Variants in FMNL3 observed in about 807,000 individuals in gnomAD.
FMNL3 encodes the protein formin like 3.
A neutral mutation model predicts 119.6 loss-of-function variants in FMNL3; 57 were observed. The observed-to-expected ratio is 0.48, with a 90% CI of 0.39 to 0.59. FMNL3 has a LOEUF of 0.59. Among genes scored for constraint, FMNL3 ranks in the 20% least tolerant of loss-of-function variants. The probability of loss-of-function intolerance (pLI) is 0.00; values close to 1 mark genes in which losing one functional copy is unlikely to be tolerated. For synonymous variants in FMNL3, 491 were observed against 507.3 expected (o/e 0.97, Z 0.43); for missense variants, 1,053 against 1,323.5 (o/e 0.80, Z 3.17).
At chr12:49,669,603 G>A (rs1284401685) in intron 1 of FMNL3, among the ~76,000 whole-genome samples, 1 of 152,054 alleles carries the variant, frequency 6.6e-6, no homozygotes, top group Non-Finnish European at 1.5e-5. Flanking sequence ...AGGCCGAGGT[G>A]GGCGGATCAC....
rs1227834700 is a variant in FMNL3 at position 49,643,579 on chromosome 12, T to G, written c.*2236A>C. The G allele has an allele frequency of 7.2e-7, 1 of 1,386,898 alleles. No individual in the cohort carries two copies. The highest frequency in any genetic ancestry group is 9.8e-7 in the Non-Finnish European group (1 of 1,024,728). 85.9% of individuals were successfully genotyped at this position (1,386,898 alleles called of 1,614,324 possible). ...TGGAGAAGGAAAACTGGACTTAGAC[T>G]TCCTCAGAGCATGAGGTTCCTGCCT... On this transcript the variant is annotated 3_prime_UTR_variant, in exon 26 of 26. Coordinates refer to ENST00000335154, the MANE Select transcript of FMNL3 (RefSeq NM_175736.5).
At chr12:49,651,480 C>A in intron 14 of FMNL3, 30 bp from the exon 15 acceptor site, 1 of 1,447,922 alleles carries the variant, frequency 6.9e-7, no homozygotes, top group South Asian at 1.6e-5. Context: ...CACAGTGACC[C>A]AGGCGTCAAG....
chr12:49,653,412 G>T, intron 12 of FMNL3, 85 bp from the exon 13 acceptor site: 1 of 1,387,142 alleles, frequency 7.2e-7, no homozygotes, highest in Non-Finnish European at 1.0e-6. Context: ...GACCTGAGTC[G>T]GACCCCTCAA....
Position 49,642,451 on chromosome 12 carries a change from C to T in FMNL3, c.*3364G>A. The stretch of plus-strand genomic sequence containing the variant: ...TTCACCACTGAGGGCCCACCCCAGT[C>T]ACGTCACAGCCCTGGGCCAGCTCCA... On this transcript the variant is annotated 3_prime_UTR_variant, in exon 26 of 26. Transcript: ENST00000335154. This position sits in a 1 kb window ranked among gnomAD's most constrained non-coding sequence, Gnocchi z 5.8. 6.4e-7 allele frequency: 1 copy of T among 1,572,004 alleles called. No homozygotes were observed. The highest frequency in any genetic ancestry group is 1.1e-5 in the South Asian group (1 of 89,620).
rs750001770 is a variant in FMNL3, at chr12:49,642,252, G to A, written c.*3563C>T. The A allele has an allele frequency of 1.9e-6, 3 of 1,614,086 alleles. No individual in the cohort carries two copies. Among genetic ancestry groups the A allele is most frequent in the East Asian group, 2.2e-5 (1 of 44,892 alleles). On this transcript the variant is annotated 3_prime_UTR_variant, in exon 26 of 26. Coordinates refer to ENST00000335154, the MANE Select transcript of FMNL3 (RefSeq NM_175736.5). This position sits in a 1 kb window ranked among gnomAD's most constrained non-coding sequence, Gnocchi z 5.8. ...TTCCTCAGCTGCTGGAGAAAGCAGA[G>A]GCACGGGAGAGGGAGCGGGAGAAGG...
In FMNL3 at chr12:49,651,915, A is replaced by C. The variant is rs1238597589; in HGVS notation, c.1603+18T>G. On this transcript the variant is annotated intron_variant, in intron 14 of 25. Transcript: ENST00000335154. ...AAAGAGGCTGCCCCTGTTGGCTCCC[A>C]GGGGTCGTCGTGGTTACCTGGTAAT... 2 of 1,563,428 alleles carry C rather than the reference A, an allele frequency of 1.3e-6. No homozygotes were observed. The highest frequency in any genetic ancestry group is 1.7e-6 in the Non-Finnish European group (2 of 1,152,076).
intron 1 of FMNL3, among the ~76,000 whole-genome samples, chr12:49,701,112 A>G (rs1944899966): frequency 6.6e-6 from 1 of 151,878 alleles, no homozygotes; most frequent in African/African-American, 2.4e-5. Flanking sequence ...ATGATACTGA[A>G]TAATATATAA....
chr12:49,692,731 T>G (rs1944639080), intron 1 of FMNL3, among the ~76,000 whole-genome samples: 1 of 152,186 alleles, frequency 6.6e-6, no homozygotes, highest in Admixed American at 6.5e-5. Context: ...GCAAACATAA[T>G]GTCCCCACCC....
At chr12:49,648,908 TCAGA>T (rs1943301389) in intron 21 of FMNL3, 117 bp downstream of exon 21, 2 of 1,433,868 alleles carry the variant, frequency 1.4e-6, no homozygotes, top group East Asian at 4.7e-5. Context: ...TTTGAAGTGG[TCAGA>T]AAGAAGATAA....
rs766932461 is a variant in FMNL3 at position 49,636,789 on chromosome 12, A to C, written c.*9026T>G. The C allele has an allele frequency of 1.2e-6, 2 of 1,614,212 alleles. No individual in the cohort carries two copies. Among genetic ancestry groups the C allele is most frequent in the East Asian group, 2.2e-5 (1 of 44,888 alleles). ...CTTTGGAGAGGGAAGAGGAGGAGGAACGGGAGCGGGCCCGGCTTCGGGAGC... is the reference window on the plus strand; with the variant it reads ...CTTTGGAGAGGGAAGAGGAGGAGGACCGGGAGCGGGCCCGGCTTCGGGAGC... On this transcript the variant is annotated 3_prime_UTR_variant, in exon 26 of 26. Transcript: ENST00000335154.
At chr12:49,667,419 G>C (rs758186985) in intron 2 of FMNL3, among the ~76,000 whole-genome samples, 28 of 152,172 alleles carry the variant, frequency 1.8e-4, no homozygotes, top group Non-Finnish European at 4.0e-4. Flanking sequence ...AGAACACAAG[G>C]ATATGGACCT....
intron 5 of FMNL3, chr12:49,661,709 G>C (rs1173710190): frequency 4.6e-6 from 2 of 437,194 alleles, no homozygotes; most frequent in African/African-American, 4.0e-5. Flanking sequence ...CTGATTCCAA[G>C]CTCCCTTTCC....
At chr12:49,693,107 T>C (rs1944649622) in intron 1 of FMNL3, among the ~76,000 whole-genome samples, 1 of 152,226 alleles carries the variant, frequency 6.6e-6, no homozygotes, top group Non-Finnish European at 1.5e-5. Flanking sequence ...GCATTTTTCC[T>C]TTTAGTATAA....
At chr12:49,681,698 A>G (rs1266884939) in intron 1 of FMNL3, among the ~76,000 whole-genome samples, 1 of 150,658 alleles carries the variant, frequency 6.6e-6, no homozygotes. Context: ...CTAGGACTAC[A>G]GGCATGTGCC....
intron 5 of FMNL3, among the ~76,000 whole-genome samples, chr12:49,661,060 A>G (rs1943719241): frequency 6.6e-6 from 1 of 152,212 alleles, no homozygotes. Flanking sequence ...AACTGGGAAG[A>G]TTGGTCTCCC....
rs1220649877 is a variant in FMNL3, at chr12:49,642,056, C to G, written c.*3759G>C. ...GGCTGGGCGGGGCGTGGGAAGTTCT[C>G]TAATTCATCTGTGTCTTGCTCCATT... On this transcript the variant is annotated 3_prime_UTR_variant, in exon 26 of 26. Transcript: ENST00000335154. The surrounding 1 kb of genome is among the most constrained non-coding windows in gnomAD (Gnocchi z 5.8). The G allele has an allele frequency of 6.2e-7, 1 of 1,607,704 alleles. No homozygotes were observed. The highest frequency in any genetic ancestry group is 1.1e-5 in the South Asian group (1 of 91,012).
intron 4 of FMNL3, 111 bp downstream of exon 4, chr12:49,665,721 C>T (rs1281568756): frequency 7.7e-6 from 9 of 1,165,688 alleles, no homozygotes; most frequent in East Asian, 2.3e-5. Flanking sequence ...CAACTCTGCC[C>T]CATGGCAGGG....
In FMNL3 at chr12:49,656,821, A is replaced by G; in HGVS notation, c.791+2T>C. 1 of 1,612,474 alleles carries G rather than the reference A, an allele frequency of 6.2e-7. No homozygotes were observed. Among genetic ancestry groups the G allele is most frequent in the Non-Finnish European group, 8.5e-7 (1 of 1,178,542 alleles). On this transcript the variant is annotated splice_donor_variant, in intron 8 of 25. Coordinates refer to ENST00000335154, the MANE Select transcript of FMNL3 (RefSeq NM_175736.5). LOFTEE classifies it high-confidence loss of function. Reference sequence around the variant, plus strand: ...GGAGGAAAGGGGAGGGAAGGAACTCACCTTGGATTCTTGTTATTGAGGCTA... The same window carrying G: ...GGAGGAAAGGGGAGGGAAGGAACTCGCCTTGGATTCTTGTTATTGAGGCTA...
At chr12:49,653,361 C>G (rs186916935) in intron 12 of FMNL3, 34 bp from the exon 13 acceptor site, 34 of 1,606,226 alleles carry the variant, frequency 2.1e-5, no homozygotes, top group East Asian at 6.7e-5. Flanking sequence ...CTGTGCTGGC[C>G]CTAAAGCCTG....
Sources: gnomAD v4.1 joint callset for allele counts (sites outside exome capture counted in the v4.1 genomes callset) on GRCh38, gnomAD v4.1.1 for gene constraint, Gnocchi (gnomAD v3.1) non-coding constraint, MANE v1.5 for transcripts, NCBI Gene and HGNC (gene_info 2026-07-23, HGNC 2026-07-21) for gene names.